The following LAPTM4B variants were observed in gnomAD, a reference collection of about 807,000 sequenced individuals.
LAPTM4B encodes lysosomal protein transmembrane 4 beta.
In LAPTM4B, 26 loss-of-function variants were observed where a neutral mutation model predicts 28.5. The observed-to-expected ratio is 0.91, with a 90% CI of 0.67 to 1.27. The LOEUF is 1.27. Ranked by LOEUF, LAPTM4B falls within the 50% of genes most tolerant of loss-of-function variation. The pLI is 0.00. For missense variants in LAPTM4B, 288 were observed against 285.8 expected (o/e 1.01, Z -0.06); for synonymous variants, 109 against 106.4 (o/e 1.02, Z -0.15).
intron 1 of LAPTM4B, among the ~76,000 whole-genome samples, chr8:97,779,792 G>A (rs1168698357): frequency 1.3e-5 from 2 of 150,468 alleles, no homozygotes; most frequent in East Asian, 3.9e-4. Context: ...GGTGGCTCAC[G>A]CCTATAATCC....
At chr8:97,778,787 CTTT>C (rs1363934923) in intron 1 of LAPTM4B, among the ~76,000 whole-genome samples, 2 of 151,646 alleles carry the variant, frequency 1.3e-5, no homozygotes, top group African/African-American at 4.9e-5. Context: ...CTAGCCCCTT[CTTT>C]AGGGCCAAGA....
intron 5 of LAPTM4B, among the ~76,000 whole-genome samples, chr8:97,821,003 A>G (rs1187575844): frequency 3.3e-5 from 5 of 150,430 alleles, no homozygotes; most frequent in Admixed American, 6.6e-5. Context: ...CTGGAATTAC[A>G]GGCATAAGTC....
chr8:97,849,029 T>C lies in LAPTM4B; in HGVS notation c.604-2368T>C, dbSNP rs1244793004. 2.6e-5 allele frequency among the ~76,000 whole-genome samples: 4 copies of C among 152,344 alleles called. No homozygotes were observed. In the East Asian group the frequency reaches 7.7e-4, roughly 29 times the overall value. ...TGTCAAGGTCGACCATGAGGCTCTC[T>C]TCATGTGCTGACCTGTGCCTATCTT... On this transcript the variant is annotated intron_variant, in intron 6 of 6. Transcript: ENST00000521545.
intron 1 of LAPTM4B, among the ~76,000 whole-genome samples, chr8:97,794,886 G>A (rs760905423): frequency 1.3e-5 from 2 of 151,862 alleles, no homozygotes; most frequent in Non-Finnish European, 2.9e-5. Flanking sequence ...GCTAATTTTT[G>A]TATTTTTAAG....
chr8:97,844,169 G>A (rs1817395225), intron 6 of LAPTM4B, among the ~76,000 whole-genome samples: 1 of 152,028 alleles, frequency 6.6e-6, no homozygotes, highest in Admixed American at 6.6e-5. Flanking sequence ...ATGACTCATT[G>A]CAGCCTCAAC....
At chr8:97,839,136 A>G (rs1245177678) in intron 6 of LAPTM4B, among the ~76,000 whole-genome samples, 1 of 152,200 alleles carries the variant, frequency 6.6e-6, no homozygotes, top group Non-Finnish European at 1.5e-5. Flanking sequence ...AGTATGTGAC[A>G]TTAACTCGGC....
intron 1 of LAPTM4B, among the ~76,000 whole-genome samples, chr8:97,789,050 ATTTATTTATTTATTTATT>A: frequency 1.9e-5 from 1 of 51,548 alleles, no homozygotes; most frequent in East Asian, 5.0e-4. Context: ...TTATTTATTT[ATTTATTTATTTATTTATT>A]TATTTATTTA....
chr8:97,842,325 C>T (rs1817362105), intron 6 of LAPTM4B, among the ~76,000 whole-genome samples: 1 of 151,942 alleles, frequency 6.6e-6, no homozygotes, highest in Non-Finnish European at 1.5e-5. Flanking sequence ...CCCTATTTGG[C>T]CCACATAGTT....
chr8:97,789,559 G>C (rs1262338607), intron 1 of LAPTM4B, among the ~76,000 whole-genome samples: 4 of 146,426 alleles, frequency 2.7e-5, no homozygotes, highest in Admixed American at 6.8e-5. Flanking sequence ...CGGAGATTTG[G>C]TCTTATTGTC....
intron 1 of LAPTM4B, 80 bp downstream of exon 1, chr8:97,776,188 G>A (rs965749580): frequency 5.0e-6 from 7 of 1,394,198 alleles, no homozygotes; most frequent in Admixed American, 2.9e-5. Context: ...CTCGCGGTGG[G>A]GTGAGGCGTG....
At chr8:97,794,862 C>T (rs1054731619) in intron 1 of LAPTM4B, among the ~76,000 whole-genome samples, 20 of 151,854 alleles carry the variant, frequency 1.3e-4, no homozygotes, top group African/African-American at 4.6e-4. Context: ...TACAGGCACC[C>T]GCCACCATGC....
intron 2 of LAPTM4B, among the ~76,000 whole-genome samples, chr8:97,811,089 A>C (rs1816818855): frequency 6.6e-6 from 1 of 152,248 alleles, no homozygotes; most frequent in African/African-American, 2.4e-5. Context: ...AAAATGACCA[A>C]CATTAACGCA....
chr8:97,819,101 A>G, intron 4 of LAPTM4B, 39 bp from the exon 5 acceptor site: 1 of 1,223,544 alleles, frequency 8.2e-7, no homozygotes, highest in Non-Finnish European at 1.2e-6. Flanking sequence ...GTCTGGAATG[A>G]TTAATGAGAT....
chr8:97,851,296 G>A (rs1018147392), intron 6 of LAPTM4B, 101 bp from the exon 7 acceptor site: 4 of 914,680 alleles, frequency 4.4e-6, no homozygotes, highest in Admixed American at 3.7e-5. Context: ...GGTACAAGTT[G>A]TGGAACATGT....
chr8:97,805,862 A>G lies in LAPTM4B; in HGVS notation c.211+398A>G, dbSNP rs375247262. Among the ~76,000 whole-genome samples, 6 of 152,240 alleles carry G rather than the reference A, an allele frequency of 3.9e-5. No individual in the cohort carries two copies. The East Asian group carries it at 1.2e-3, about 29-fold the overall frequency. ...TTTTCCATTCTAGAAATGATGTTGC[A>G]GATTATTTGGGGGAATTTAGGGCCT... On this transcript the variant is annotated intron_variant, in intron 2 of 6. Transcript: ENST00000521545.
intron 1 of LAPTM4B, among the ~76,000 whole-genome samples, 154 bp from the exon 2 acceptor site, chr8:97,805,199 C>G (rs1563608177): frequency 6.6e-6 from 1 of 152,152 alleles, no homozygotes; most frequent in African/African-American, 2.4e-5. Context: ...TTTATCTGCT[C>G]CCTCCATGGG....
intron 1 of LAPTM4B, among the ~76,000 whole-genome samples, chr8:97,793,447 A>G (rs1437209428): frequency 6.6e-6 from 1 of 152,182 alleles, no homozygotes; most frequent in Non-Finnish European, 1.5e-5. Context: ...TTTTCATTGT[A>G]AAATAAAATA....
At chr8:97,783,071 C>A (rs35675956) in intron 1 of LAPTM4B, among the ~76,000 whole-genome samples, 5,847 of 98,930 alleles carry the variant, frequency 0.059, 373 homozygotes, top group African/African-American at 0.23. Flanking sequence ...CCGCGCCCGG[C>A]CTTTTTTTTT....
At chr8:97,812,258 C>T (rs1403229478) in intron 2 of LAPTM4B, among the ~76,000 whole-genome samples, 5 of 129,662 alleles carry the variant, frequency 3.9e-5, no homozygotes, top group Non-Finnish European at 1.6e-5. Context: ...CTGACTCTGT[C>T]ACCCAGGCTG....
Sources: gnomAD v4.1 joint callset for allele counts (sites outside exome capture counted in the v4.1 genomes callset) on GRCh38, gnomAD v4.1.1 for gene constraint, MANE v1.5 for transcripts, NCBI Gene and HGNC (gene_info 2026-07-23, HGNC 2026-07-21) for gene names.